Variants in FRMPD4 observed in about 807,000 individuals in gnomAD.
FRMPD4 encodes the protein FERM and PDZ domain containing 4.
FRMPD4 carries 22 observed loss-of-function variants against 94.1 expected under a neutral mutation model. The observed-to-expected ratio is 0.23, with a 90% CI of 0.17 to 0.33. FRMPD4 has a LOEUF of 0.33. Among genes scored for constraint, FRMPD4 ranks in the 10% least tolerant of loss-of-function variants. FRMPD4 has a pLI of 1.00. For synonymous variants in FRMPD4, 631 were observed against 548.6 expected (o/e 1.15, Z -2.10); for missense variants, 1,111 against 1,339.9 (o/e 0.83, Z 2.67).
intron 1 of FRMPD4, among the ~76,000 whole-genome samples, chrX:12,211,202 C>T (rs764335780): frequency 9.0e-6 from 1 of 110,727 alleles, no homozygotes; most frequent in Admixed American, 9.5e-5. Context: ...CCTCTCAATA[C>T]CTGAATTTTC....
intron 1 of FRMPD4, among the ~76,000 whole-genome samples, chrX:12,294,998 T>C (rs2054749289): frequency 8.9e-6 from 1 of 112,448 alleles, no homozygotes; most frequent in South Asian, 3.7e-4. Flanking sequence ...CATAGGTTTC[T>C]ATTGAAATGT....
chrX:12,483,540 G>T (rs1218520834), intron 1 of FRMPD4, among the ~76,000 whole-genome samples: 1 of 111,991 alleles, frequency 8.9e-6, no homozygotes, highest in Non-Finnish European at 1.9e-5. Context: ...TTCTTGTTAT[G>T]CTAGAATGGC....
At chrX:12,624,370 A>G (rs758827550) in intron 4 of FRMPD4, among the ~76,000 whole-genome samples, 1 of 112,336 alleles carries the variant, frequency 8.9e-6, no homozygotes, top group Non-Finnish European at 1.9e-5. Context: ...CATCAATAAC[A>G]TATAATTTGG....
chrX:12,687,216 C>T (rs183805724), intron 7 of FRMPD4, among the ~76,000 whole-genome samples: 2 of 112,074 alleles, frequency 1.8e-5, no homozygotes, highest in African/African-American at 6.5e-5. Context: ...TGGCTTAATA[C>T]GTCATGCAGT....
At chrX:12,274,089 C>CT (rs2054394896) in intron 1 of FRMPD4, among the ~76,000 whole-genome samples, 1 of 110,127 alleles carries the variant, frequency 9.1e-6, no homozygotes, top group Admixed American at 9.8e-5. Context: ...AATGTGGAGT[C>CT]AACACATTCC....
chrX:11,864,186 G>A (rs1207247553), intron 1 of FRMPD4, among the ~76,000 whole-genome samples: 1 of 110,235 alleles, frequency 9.1e-6, no homozygotes, highest in East Asian at 2.8e-4. Context: ...CACACACATT[G>A]CATGGATCTA....
At chrX:12,052,774 T>G (rs1189940761) in intron 3 of FRMPD4, among the ~76,000 whole-genome samples, 2 of 111,876 alleles carry the variant, frequency 1.8e-5, no homozygotes, top group East Asian at 5.6e-4. Flanking sequence ...TAGTAAGCAT[T>G]CTCTCAATTA....
intron 1 of FRMPD4, among the ~76,000 whole-genome samples, chrX:12,206,412 C>T (rs1272989485): frequency 8.9e-6 from 1 of 111,775 alleles, no homozygotes; most frequent in Non-Finnish European, 1.9e-5. Context: ...AGTCATGAGG[C>T]AGAGCCAACC....
chrX:12,031,496 T>C (rs1196741066), intron 3 of FRMPD4, among the ~76,000 whole-genome samples: 1 of 111,744 alleles, frequency 8.9e-6, no homozygotes, highest in African/African-American at 3.3e-5. Context: ...AAGGTTTTTT[T>C]CTATTACTCT....
chrX:12,475,725 A>G lies in FRMPD4; in HGVS notation c.42-22955A>G, dbSNP rs769601053. On this transcript the variant is annotated intron_variant, in intron 1 of 16. Transcript: ENST00000675598. ...ACTCCCATTCACAATTGCTTCAAAG[A>G]GAACAAAATACCTAGGAATCCAACT... Among the ~76,000 whole-genome samples, 9 of 112,019 alleles carry G rather than the reference A, an allele frequency of 8.0e-5. No individual in the cohort carries two copies. The East Asian group carries it at 2.2e-3, about 28-fold the overall frequency.
At chrX:12,163,436 AT>A (rs1186953008) in intron 1 of FRMPD4, among the ~76,000 whole-genome samples, 1 of 75,130 alleles carries the variant, frequency 1.3e-5, no homozygotes, top group Non-Finnish European at 2.6e-5. Context: ...TTCCTGACTG[AT>A]TTTTTTTATT....
chrX:12,485,779 T>C (rs749505891), intron 1 of FRMPD4, among the ~76,000 whole-genome samples: 2 of 110,712 alleles, frequency 1.8e-5, no homozygotes, highest in South Asian at 7.8e-4. Flanking sequence ...CATGGTGGCA[T>C]GCACCTGTAA....
At chrX:12,508,991 CAAAAAAAAAAAA>C (rs770698547) in intron 2 of FRMPD4, among the ~76,000 whole-genome samples, 1 of 30,538 alleles carries the variant, frequency 3.3e-5, no homozygotes, top group Non-Finnish European at 5.3e-5. Flanking sequence ...GACTCTGTCT[CAAAAAAAAAAAA>C]AAAAAAAAAA....
At chrX:12,548,134 A>G (rs1000383674) in intron 2 of FRMPD4, among the ~76,000 whole-genome samples, 3 of 112,306 alleles carry the variant, frequency 2.7e-5, no homozygotes, top group Admixed American at 9.5e-5. Flanking sequence ...ATATCCTGAC[A>G]TGAAATTTTG....
intron 1 of FRMPD4, among the ~76,000 whole-genome samples, chrX:12,407,042 C>T (rs2056674829): frequency 9.0e-6 from 1 of 110,580 alleles, no homozygotes; most frequent in Non-Finnish European, 1.9e-5. Context: ...TCACTCAGAC[C>T]TCTGCTTCGA....
chrX:12,206,154 A>G (rs1386441214), intron 1 of FRMPD4, among the ~76,000 whole-genome samples: 1 of 112,432 alleles, frequency 8.9e-6, no homozygotes, highest in Non-Finnish European at 1.9e-5. Flanking sequence ...GCAAATAGAA[A>G]GAAACCCCAT....
At chrX:12,293,243 T>A (rs959165433) in intron 1 of FRMPD4, among the ~76,000 whole-genome samples, 6 of 112,311 alleles carry the variant, frequency 5.3e-5, no homozygotes, top group Admixed American at 1.9e-4. Context: ...GCAAGTAGAT[T>A]TACTTCACGG....
chrX:12,612,986 C>T (rs73446849), intron 3 of FRMPD4, among the ~76,000 whole-genome samples: 1,272 of 111,640 alleles, frequency 0.011, 17 homozygotes, highest in African/African-American at 0.038. Context: ...ACATATGCCT[C>T]GTATCTGGGT....
At chrX:11,841,432 T>C (rs2053535962) in intron 1 of FRMPD4, among the ~76,000 whole-genome samples, 1 of 107,878 alleles carries the variant, frequency 9.3e-6, no homozygotes, top group Non-Finnish European at 1.9e-5. Flanking sequence ...TTTTAATGAT[T>C]GCCGTTCTAA....
Sources: allele counts gnomAD v4.1 joint callset (sites outside exome capture counted in the v4.1 genomes callset), GRCh38; gene constraint gnomAD v4.1.1; transcripts MANE v1.5; gene names NCBI Gene and HGNC (gene_info 2026-07-23, HGNC 2026-07-21).